The following FBN2 variants were observed in gnomAD, a reference collection of about 807,000 sequenced individuals.
FBN2 encodes fibrillin 2, also known as fibrillin-2.
A neutral mutation model predicts 355.6 loss-of-function variants in FBN2; 105 were observed. The observed-to-expected ratio is 0.30, with a 90% CI of 0.25 to 0.35. The LOEUF (loss-of-function observed/expected upper bound fraction) is 0.35. Among genes scored for constraint, FBN2 ranks in the 10% least tolerant of loss-of-function variants. FBN2 has a pLI of 1.00. For synonymous variants in FBN2, 1,350 were observed against 1,301.2 expected (o/e 1.04, Z -0.81); for missense variants, 3,280 against 3,758.7 (o/e 0.87, Z 3.33).
chr5:128,311,930 C>G lies in FBN2; in HGVS notation c.4903G>C (p.Gly1635Arg). ...NSTEYYTLCP[G>R]GEGFRPNPIT... ...GGGTTAGGTCTGAAGCCTTCACCTC[C>G]GGGACACAGGGTGTAATATTCAGCT... The change falls in exon 38 of 65, where the codon GGA becomes CGA. Residue 1635 changes from glycine (G) to arginine (R), a missense_variant. Gly to Arg is a moderately radical substitution (Grantham distance 125, BLOSUM62 -2). Transcript: ENST00000262464. 6.2e-7 allele frequency: 1 copy of G among 1,611,712 alleles called. No individual in the cohort carries two copies.
intron 6 of FBN2, among the ~76,000 whole-genome samples, chr5:128,456,671 A>G (rs1185831116): frequency 2.0e-5 from 3 of 151,996 alleles, no homozygotes; most frequent in Middle Eastern, 3.2e-3. Flanking sequence ...CCTGAAGTGA[A>G]CCCCCAGCAA....
In FBN2 at chr5:128,345,484, C is replaced by A; in HGVS notation, c.3090G>T (p.Gly1030=). The A allele has an allele frequency of 6.2e-7, 1 of 1,614,158 alleles. No individual in the cohort carries two copies. Among genetic ancestry groups the A allele is most frequent in the Non-Finnish European group, 8.5e-7 (1 of 1,180,024 alleles). ...CCTCACACTCGGTGCCCCAAGCCGC[C>A]CCGACAGCACAGCAGCAGGCATCCA... ...FRMDACCCAV[G]AAWGTECEEC... Residue 1030 remains glycine, a synonymous_variant, in exon 24 of 65, where the codon GGG becomes GGT. Transcript: ENST00000262464.
At chr5:128,469,390 G>A (rs934887864) in intron 5 of FBN2, among the ~76,000 whole-genome samples, 1 of 152,080 alleles carries the variant, frequency 6.6e-6, no homozygotes, top group Non-Finnish European at 1.5e-5. Flanking sequence ...AATTAGCTGG[G>A]TGTGGTGGTG....
chr5:128,470,152 G>C (rs1754817854), intron 5 of FBN2, among the ~76,000 whole-genome samples: 3 of 152,186 alleles, frequency 2.0e-5, no homozygotes, highest in South Asian at 2.1e-4. Flanking sequence ...AGAGAGATGG[G>C]AGAGCAACAG....
chr5:128,496,297 A>G (rs531711454), intron 5 of FBN2, among the ~76,000 whole-genome samples: 1 of 152,252 alleles, frequency 6.6e-6, no homozygotes, highest in African/African-American at 2.4e-5. Flanking sequence ...AAATACTAGC[A>G]AACCAAATCC....
chr5:128,496,008 A>G (rs1447530813), intron 5 of FBN2, among the ~76,000 whole-genome samples: 1 of 152,186 alleles, frequency 6.6e-6, no homozygotes, highest in African/African-American at 2.4e-5. Flanking sequence ...TTTTCTAATT[A>G]CTAATTTATA....
intron 25 of FBN2, 100 bp downstream of exon 25, chr5:128,344,285 T>G (rs780365997): frequency 1.1e-5 from 13 of 1,212,238 alleles, no homozygotes; most frequent in Non-Finnish European, 1.6e-5. Flanking sequence ...AAAATTTTCA[T>G]GTTCTCAATG....
intron 27 of FBN2, among the ~76,000 whole-genome samples, chr5:128,336,438 A>G (rs554058417): frequency 2.4e-4 from 37 of 152,364 alleles, no homozygotes; most frequent in African/African-American, 8.7e-4. Flanking sequence ...GAATTTACAT[A>G]GCCACATATG....
chr5:128,313,136 C>T (rs972094549), intron 36 of FBN2, among the ~76,000 whole-genome samples: 25 of 152,154 alleles, frequency 1.6e-4, no homozygotes, highest in African/African-American at 6.0e-4. Context: ...ATCTATATCA[C>T]GAGTTTATCC....
Position 128,369,185 on chromosome 5 carries a change from A to C in FBN2, c.2245T>G (p.Ser749Ala). Residue 749 changes from serine (S) to alanine (A), a missense_variant, in exon 16 of 65, where the codon TCA becomes GCA. Transcript: ENST00000262464. ...EPCQPCPAKN[S>A]AEFHGLCSSG... Reference sequence around the variant, plus strand: ...TGAAAATGGCACATGTGACTACCTGAATTTTTTGCAGGGCATGGCTGGCAG... The same window carrying C: ...TGAAAATGGCACATGTGACTACCTGCATTTTTTGCAGGGCATGGCTGGCAG... 6.2e-7 allele frequency: 1 copy of C among 1,614,126 alleles called. No homozygotes were observed. The highest frequency in any genetic ancestry group is 1.1e-5 in the South Asian group (1 of 91,086).
chr5:128,439,462 T>C (rs948676216), intron 7 of FBN2, among the ~76,000 whole-genome samples: 2 of 152,182 alleles, frequency 1.3e-5, no homozygotes, highest in African/African-American at 4.8e-5. Flanking sequence ...CACAGTTTTA[T>C]ATTACACTCT....
At chr5:128,446,206 A>G (rs1307105134) in intron 7 of FBN2, 2 of 319,168 alleles carry the variant, frequency 6.3e-6, no homozygotes, top group African/African-American at 4.2e-5. Context: ...AACCTACTTT[A>G]TTAAGAAGAA....
chr5:128,268,348 C>T (rs1336287229), intron 62 of FBN2, among the ~76,000 whole-genome samples: 1 of 152,116 alleles, frequency 6.6e-6, no homozygotes, highest in African/African-American at 2.4e-5. Context: ...CCTGAATAGA[C>T]CAATAACAAG....
At position 128,537,334 on chromosome 5, in the gene FBN2, C is replaced by A; in HGVS notation, c.254+16G>T. 6 of 1,609,158 alleles carry A rather than the reference C, an allele frequency of 3.7e-6. No individual in the cohort carries two copies. Among genetic ancestry groups the A allele is most frequent in the Non-Finnish European group, 5.1e-6 (6 of 1,179,756 alleles). ...CCAAGCCGGAGCCCTAGGTGCGGAG[C>A]CGCTTGCCCACTTACCCTCGGAGCA... On this transcript the variant is annotated intron_variant, in intron 1 of 64. Transcript: ENST00000262464.
At chr5:128,352,168 C>T (rs540767614) in intron 20 of FBN2, among the ~76,000 whole-genome samples, 7 of 152,064 alleles carry the variant, frequency 4.6e-5, no homozygotes, top group Non-Finnish European at 8.8e-5. Flanking sequence ...CTAATGCATT[C>T]CCAGGGCTAA....
intron 55 of FBN2, among the ~76,000 whole-genome samples, chr5:128,280,629 A>G (rs535016149): frequency 4.3e-4 from 65 of 152,158 alleles, no homozygotes; most frequent in Non-Finnish European, 7.5e-4. Flanking sequence ...CCAGGCAAGG[A>G]TGGGAACTCT....
intron 5 of FBN2, among the ~76,000 whole-genome samples, chr5:128,488,769 C>T (rs886233484): frequency 7.3e-5 from 11 of 151,028 alleles, no homozygotes; most frequent in Admixed American, 2.0e-4. Flanking sequence ...TTTGTCCTTG[C>T]GATAGTTTAC....
chr5:128,442,240 A>G (rs1753941935), intron 7 of FBN2: 3 of 450,008 alleles, frequency 6.7e-6, no homozygotes, highest in African/African-American at 2.0e-5. Flanking sequence ...TTCCAATACA[A>G]TGATGTTCTT....
chr5:128,424,280 G>A (rs756785417), intron 7 of FBN2, among the ~76,000 whole-genome samples: 1 of 152,108 alleles, frequency 6.6e-6, no homozygotes, highest in Non-Finnish European at 1.5e-5. Flanking sequence ...TGGTGACATC[G>A]ATGAAATTAG....
Sources: gnomAD v4.1 joint callset for allele counts (sites outside exome capture counted in the v4.1 genomes callset) on GRCh38, gnomAD v4.1.1 for gene constraint, MANE v1.5 for transcripts, NCBI Gene and HGNC (gene_info 2026-07-23, HGNC 2026-07-21) for gene names.